Variants in L3MBTL4 observed in about 807,000 individuals in gnomAD.
L3MBTL4 encodes the protein lethal(3)malignant brain tumor-like protein 4.
In L3MBTL4, 70 loss-of-function variants were observed where a neutral mutation model predicts 84.5. The ratio of observed to expected loss-of-function variants is 0.83; its 90% CI spans 0.68 to 1.01. The LOEUF is 1.01. Ranked by LOEUF, L3MBTL4 falls within the 50% of genes least tolerant of loss-of-function variation. L3MBTL4 has a pLI of 0.00. For synonymous variants in L3MBTL4, 274 were observed against 259.8 expected, an observed-to-expected ratio of 1.05 and a Z score of -0.52; for missense variants, 715 against 754.8, an observed-to-expected ratio of 0.95 and a Z score of 0.62.
chr18:6,308,396 C>T (rs193255527), intron 3 of L3MBTL4, among the ~76,000 whole-genome samples: 48 of 152,266 alleles, frequency 3.2e-4, no homozygotes, highest in Non-Finnish European at 5.7e-4. Flanking sequence ...TCAAAATTTA[C>T]GAGCATATCC....
chr18:6,083,643 TG>T (rs1322686881), intron 15 of L3MBTL4, among the ~76,000 whole-genome samples: 4 of 152,240 alleles, frequency 2.6e-5, no homozygotes, highest in African/African-American at 7.2e-5. Flanking sequence ...GATGTACTAC[TG>T]TTGCACCAAT....
intron 16 of L3MBTL4, among the ~76,000 whole-genome samples, chr18:6,075,442 A>G (rs1397653258): frequency 6.6e-6 from 1 of 152,174 alleles, no homozygotes; most frequent in Admixed American, 6.5e-5. Flanking sequence ...TAGGGAAATG[A>G]CTTTTTAATA....
chr18:6,371,271 G>T (rs960787892), intron 1 of L3MBTL4, among the ~76,000 whole-genome samples: 1 of 152,210 alleles, frequency 6.6e-6, no homozygotes, highest in African/African-American at 2.4e-5. Flanking sequence ...CACCTGTACT[G>T]TGAGCTGATG....
At chr18:6,038,517 GT>G (rs2056251760) in intron 16 of L3MBTL4, among the ~76,000 whole-genome samples, 1 of 152,100 alleles carries the variant, frequency 6.6e-6, no homozygotes, top group Non-Finnish European at 1.5e-5. Flanking sequence ...GCCTCCCAAA[GT>G]GCTGGGATTA....
chr18:6,247,614 G>A (rs1236446351), intron 5 of L3MBTL4, among the ~76,000 whole-genome samples: 1 of 149,852 alleles, frequency 6.7e-6, no homozygotes, highest in Non-Finnish European at 1.5e-5. Context: ...GAGTAGCTGG[G>A]ATTATAGGTG....
chr18:5,962,088 T>C (rs2095266404), intron 17 of L3MBTL4, among the ~76,000 whole-genome samples: 1 of 152,096 alleles, frequency 6.6e-6, no homozygotes, highest in Non-Finnish European at 1.5e-5. Flanking sequence ...AATGAGTTGA[T>C]TTGATTAGCG....
chr18:6,166,320 C>G (rs576765655), intron 13 of L3MBTL4, among the ~76,000 whole-genome samples: 7,918 of 152,154 alleles, frequency 0.052, 686 homozygotes, highest in African/African-American at 0.18. Flanking sequence ...AGCTCTGCAC[C>G]AAGCGGACCT....
At chr18:6,320,292 GCAAT>G (rs1405397745) in intron 1 of L3MBTL4, among the ~76,000 whole-genome samples, 1 of 152,034 alleles carries the variant, frequency 6.6e-6, no homozygotes, top group Non-Finnish European at 1.5e-5. Context: ...CATAGCCATA[GCAAT>G]CAGTCAAGAG....
At chr18:6,236,348 C>T (rs1412705789) in intron 10 of L3MBTL4, among the ~76,000 whole-genome samples, 1 of 152,192 alleles carries the variant, frequency 6.6e-6, no homozygotes, top group Admixed American at 6.5e-5. Flanking sequence ...TGTAACAAAT[C>T]TTTATGACCT....
intron 1 of L3MBTL4, among the ~76,000 whole-genome samples, chr18:6,383,152 C>A (rs965732725): frequency 6.6e-6 from 1 of 152,110 alleles, no homozygotes; most frequent in Non-Finnish European, 1.5e-5. Context: ...ATGGTGGACG[C>A]CCCTCCCCCA....
rs114500651 is a variant in L3MBTL4, at chr18:6,210,348, C to A, written c.981+2801G>T. Among the ~76,000 whole-genome samples, 507 of 152,268 alleles carry A rather than the reference C, an allele frequency of 3.3e-3. 3 individuals are homozygous for A. The highest frequency in any genetic ancestry group is 0.011 in the African/African-American group (468 of 41,554). ...AGTGGGGTCATGGGCAGTCACAACT[C>A]CTCATCCTACACATCTGCTCTCCCA... On this transcript the variant is annotated intron_variant, in intron 12 of 18. Transcript: ENST00000317931.
At chr18:6,322,272 AG>A (rs2051445488) in intron 1 of L3MBTL4, among the ~76,000 whole-genome samples, 1 of 152,004 alleles carries the variant, frequency 6.6e-6, no homozygotes, top group South Asian at 2.1e-4. Flanking sequence ...TTGGAGGTCA[AG>A]ACTTCAGTGA....
intron 16 of L3MBTL4, among the ~76,000 whole-genome samples, chr18:6,000,280 G>C (rs543428744): frequency 1.3e-5 from 2 of 152,270 alleles, no homozygotes; most frequent in South Asian, 4.1e-4. Context: ...ATAAAGCTTA[G>C]TGAGGCAATT....
chr18:6,331,508 G>C (rs1456329028), intron 1 of L3MBTL4, among the ~76,000 whole-genome samples: 1 of 152,040 alleles, frequency 6.6e-6, no homozygotes, highest in African/African-American at 2.4e-5. Flanking sequence ...TAAGTTCTTG[G>C]ACTAAAACTA....
Position 5,973,636 on chromosome 18 carries a change from C to A in L3MBTL4, c.1445-4074G>T, listed in dbSNP as rs558371256. On this transcript the variant is annotated intron_variant, in intron 16 of 18. Coordinates refer to ENST00000317931, the MANE Select transcript of L3MBTL4 (RefSeq NM_001330559.2). ...ATAAGCTGATGATGAAGGCATAGAC[C>A]GTTTCCAGAAACCATTCTCATCAAA... Among the ~76,000 whole-genome samples the A allele has an allele frequency of 5.9e-5, 9 of 152,232 alleles. No homozygotes were observed. In the South Asian group the frequency reaches 1.9e-3, roughly 32 times the overall value.
At chr18:5,977,599 GAGGC>G (rs1281783549) in intron 16 of L3MBTL4, among the ~76,000 whole-genome samples, 1 of 152,224 alleles carries the variant, frequency 6.6e-6, no homozygotes, top group Non-Finnish European at 1.5e-5. Flanking sequence ...CCTAGAGCAG[GAGGC>G]AGTCACGACT....
At chr18:6,046,622 T>C (rs2056630804) in intron 16 of L3MBTL4, 2 of 623,402 alleles carry the variant, frequency 3.2e-6, no homozygotes, top group Non-Finnish European at 2.9e-6. Flanking sequence ...ACACATTACA[T>C]GGAAATTAGA....
chr18:6,229,265 C>T (rs2046899111), intron 10 of L3MBTL4, among the ~76,000 whole-genome samples: 1 of 152,114 alleles, frequency 6.6e-6, no homozygotes, highest in Admixed American at 6.6e-5. Context: ...ATCTATAAGA[C>T]TTGTAATACA....
intron 15 of L3MBTL4, among the ~76,000 whole-genome samples, chr18:6,087,143 C>T (rs1022168348): frequency 2.6e-5 from 4 of 152,108 alleles, no homozygotes; most frequent in Non-Finnish European, 4.4e-5. Context: ...AATATTTATT[C>T]AACAGACAAA....
Sources: allele counts gnomAD v4.1 joint callset (sites outside exome capture counted in the v4.1 genomes callset), GRCh38; gene constraint gnomAD v4.1.1; transcripts MANE v1.5; gene names NCBI Gene and HGNC (gene_info 2026-07-23, HGNC 2026-07-21).